Variants in ARMC5 observed in about 807,000 individuals in gnomAD.
ARMC5 encodes the protein armadillo repeat-containing protein 5.
In ARMC5, 28 loss-of-function variants were observed where a neutral mutation model predicts 60.5. That is an observed-to-expected ratio of 0.46 (90% CI 0.34 to 0.63). ARMC5 has a LOEUF of 0.63. ARMC5 is among the 30% of genes least tolerant of loss of function. ARMC5 has a pLI of 0.01. For missense variants in ARMC5, 1,189 were observed against 1,304.9 expected (o/e 0.91, Z 1.37); for synonymous variants, 680 against 607.3 (o/e 1.12, Z -1.76).
At chr16:31,460,637 G>A (rs1411689809) in intron 1 of ARMC5, among the ~76,000 whole-genome samples, 2 of 152,210 alleles carry the variant, frequency 1.3e-5, no homozygotes, top group Non-Finnish European at 2.9e-5. Context: ...AGGCTGAGGC[G>A]GGAGGATCCC....
chr16:31,465,664 C>T, intron 4 of ARMC5, 186 bp from the exon 5 acceptor site: 2 of 1,430,152 alleles, frequency 1.4e-6, no homozygotes. Flanking sequence ...CCCTGACTGT[C>T]CCACCTTCTG....
Position 31,464,404 on chromosome 16 carries a change from A to T in ARMC5, c.1381A>T (p.Ile461Phe), listed in dbSNP as rs2082330899. ...TTCTGCCCTCCGCAGGTCGTGGCTG[A>T]TCTCCGAGGGCTATGCCACAGGCCC... is the stretch of plus-strand genomic sequence containing the variant. ...GSFRSLRSWLISEGYATGPDD... is the reference protein window; with the variant it reads ...GSFRSLRSWLFSEGYATGPDD... Residue 461 changes from isoleucine to phenylalanine, a missense_variant, in exon 4 of 6, where the codon ATC (isoleucine) becomes TTC (phenylalanine). By Grantham distance (21) the Ile-to-Phe change is conservative. Transcript: ENST00000268314. This position sits in a 1 kb window ranked among gnomAD's most constrained non-coding sequence, Gnocchi z 7.6. 1.3e-6 allele frequency: 2 copies of T among 1,523,880 alleles called. No individual in the cohort carries two copies. The highest frequency in any genetic ancestry group is 2.6e-5 in the South Asian group (2 of 77,758). 94.4% of individuals were successfully genotyped at this position (1,523,880 alleles called of 1,614,324 possible).
chr16:31,459,551 G>C lies in ARMC5; in HGVS notation c.27G>C (p.Thr9=), dbSNP rs376733986. 6.2e-7 allele frequency: 1 copy of C among 1,606,286 alleles called. No individual in the cohort carries two copies. The highest frequency in any genetic ancestry group is 8.5e-7 in the Non-Finnish European group (1 of 1,179,214). ...TGGCGGCTGCGAAGCCAACCCTCAC[G>C]GACTCGCTCTCGTTCTGCCTCGCGC... MAAAKPTL[T]DSLSFCLAQL... Residue 9 remains threonine, a synonymous_variant, in exon 1 of 6, where the codon ACG becomes ACC. Coordinates refer to ENST00000268314, the MANE Select transcript of ARMC5 (RefSeq NM_001105247.2).
upstream of ARMC5, chr16:31,459,054 C>T (rs184248541): frequency 2.6e-6 from 4 of 1,509,582 alleles, no homozygotes; most frequent in African/African-American, 4.2e-5. Context: ...GCACTTTCGG[C>T]CCGGCTCGGG....
chr16:31,466,174 T>A lies in ARMC5; in HGVS notation c.2093T>A (p.Leu698His), dbSNP rs560246096. ...LTRPAPHPLF[L>H]FFAADSLSCL... ...CGGCCGGCCCCACACCCGCTCTTCC[T>A]CTTCTTTGCCGCGGACTCCCTTTCC... is the stretch of plus-strand genomic sequence containing the variant. The change falls in exon 6 of 6, where the codon CTC becomes CAC. Residue 698 changes from leucine (L) to histidine (H), a missense_variant. Transcript: ENST00000268314. This position sits in a 1 kb window ranked among gnomAD's most constrained non-coding sequence, Gnocchi z 8.0. The A allele has an allele frequency of 6.2e-7, 1 of 1,611,272 alleles. No homozygotes were observed. Among genetic ancestry groups the A allele is most frequent in the South Asian group, 1.1e-5 (1 of 91,076 alleles).
rs185201982 is a variant in ARMC5 at position 31,462,223 on chromosome 16, T to A, written c.676T>A (p.Ser226Thr). 3.1e-6 allele frequency: 5 copies of A among 1,610,734 alleles called. No homozygotes were observed. The African/African-American group carries it at 6.7e-5, about 21-fold the overall frequency. The change falls in exon 3 of 6, where the codon TCA becomes ACA. Residue 226 changes from serine (S) to threonine (T), a missense_variant. By Grantham distance (58) the Ser-to-Thr change is moderately conservative (BLOSUM62 1). This residue lies in a region of ARMC5 where 862 missense variants were observed against 1,071.2 expected (regional missense o/e 0.80). Coordinates refer to ENST00000268314, the MANE Select transcript of ARMC5 (RefSeq NM_001105247.2). This position sits in a 1 kb window ranked among gnomAD's most constrained non-coding sequence, Gnocchi z 7.2. ...VVRALRNLADSPQHRLALAQQ... is the reference protein window; with the variant it reads ...VVRALRNLADTPQHRLALAQQ... ...GCGTGCCCTCCGTAACCTGGCAGAC[T>A]CACCCCAGCACCGCCTGGCCTTGGC... is the stretch of plus-strand genomic sequence containing the variant.
intron 1 of ARMC5, 196 bp downstream of exon 1, chr16:31,460,195 C>T (rs1354505418): frequency 1.8e-6 from 1 of 568,468 alleles, no homozygotes. Flanking sequence ...CCCTCCCAGA[C>T]CAGATAATTG....
upstream of ARMC5, chr16:31,459,351 G>T: frequency 9.1e-6 from 14 of 1,535,912 alleles, no homozygotes; most frequent in Non-Finnish European, 1.1e-5. Flanking sequence ...GTACTGCCGC[G>T]CCTCGTGTGC....
chr16:31,458,828 CG>C (rs1438377760), upstream of ARMC5: 3 of 1,532,820 alleles, frequency 2.0e-6, no homozygotes, highest in Non-Finnish European at 2.6e-6. Context: ...GACTGCGCTG[CG>C]AGTGAAGAAC....
At position 31,462,769 on chromosome 16, in the gene ARMC5, C is replaced by T. The variant is rs1367418052; in HGVS notation, c.1222C>T (p.Gln408Ter). The change falls in exon 3 of 6, where the codon CAG (glutamine) becomes TAG (stop). Residue 408 changes from glutamine (Q) to a stop codon, truncating the protein, a stop_gained. Transcript: ENST00000268314. LOFTEE classifies it high-confidence loss of function. This position sits in a 1 kb window ranked among gnomAD's most constrained non-coding sequence, Gnocchi z 7.2. ...TGACACTGGGGCCCTGGGCCGGCTG[C>T]AGGCTCTGGGACTTGTGCCTCTCCT... ...LYDTGALGRL[Q>*]ALGLVPLLAG... 1.2e-6 allele frequency: 2 copies of T among 1,613,824 alleles called. No individual in the cohort carries two copies. The highest frequency in any genetic ancestry group is 1.7e-5 in the Admixed American group (1 of 60,006).
chr16:31,460,633 A>C (rs1420519572), intron 1 of ARMC5, among the ~76,000 whole-genome samples: 3 of 152,238 alleles, frequency 2.0e-5, no homozygotes, highest in Non-Finnish European at 1.5e-5. Context: ...TGGGAGGCTG[A>C]GGCGGGAGGA....
rs267604529 is a variant in ARMC5, at chr16:31,466,700, C to G, written c.2619C>G (p.Phe873Leu). Residue 873 changes from phenylalanine to leucine, a missense_variant, in exon 6 of 6, where the codon TTC becomes TTG. Transcript: ENST00000268314. This position sits in a 1 kb window ranked among gnomAD's most constrained non-coding sequence, Gnocchi z 8.0. ...GCCCGGAGTCAGTGGGTGAGGTGTTCCGCCTGGGCCGGCCCCGGCTGGCTG... is the reference window on the plus strand; with the variant it reads ...GCCCGGAGTCAGTGGGTGAGGTGTTGCGCCTGGGCCGGCCCCGGCTGGCTG... ...QGGPESVGEV[F>L]RLGRPRLAAH... The G allele has an allele frequency of 3.8e-6, 6 of 1,561,418 alleles. No homozygotes were observed. The highest frequency in any genetic ancestry group is 5.2e-6 in the Non-Finnish European group (6 of 1,153,574).
chr16:31,459,471 C>T (rs1239620336), upstream of ARMC5: 17 of 1,562,508 alleles, frequency 1.1e-5, no homozygotes, highest in Non-Finnish European at 1.4e-5. Flanking sequence ...CTTCCAGTTC[C>T]GCTCCCTGGG....
chr16:31,465,205 C>T, intron 4 of ARMC5: 1 of 1,569,504 alleles, frequency 6.4e-7, no homozygotes, highest in Admixed American at 1.8e-5. Context: ...GTCCTGACTG[C>T]TCCCCACCAG....
chr16:31,466,543 C>T lies in ARMC5; in HGVS notation c.2462C>T (p.Pro821Leu). 1 of 1,608,314 alleles carries T rather than the reference C, an allele frequency of 6.2e-7. No individual in the cohort carries two copies. Among genetic ancestry groups the T allele is most frequent in the Non-Finnish European group, 8.5e-7 (1 of 1,179,278 alleles). Residue 821 changes from proline to leucine, a missense_variant, in exon 6 of 6, where the codon CCC becomes CTC. Pro to Leu is a moderately conservative substitution (Grantham distance 98). Transcript: ENST00000268314. The surrounding 1 kb of genome is among the most constrained non-coding windows in gnomAD (Gnocchi z 8.0). Reference protein sequence around the residue: ...RGCGAALGPVPPPGQPLLGSE... With the variant: ...RGCGAALGPVLPPGQPLLGSE... ...TGTGGGGCTGCCCTGGGGCCCGTGC[C>T]CCCACCAGGCCAGCCCCTGCTGGGT...
upstream of ARMC5, chr16:31,458,938 C>G (rs975565759): frequency 6.5e-7 from 1 of 1,535,638 alleles, no homozygotes; most frequent in South Asian, 1.2e-5. Flanking sequence ...GAAAATTCCA[C>G]AAGCCCGTCA....
chr16:31,462,885 G>C lies in ARMC5; in HGVS notation c.1338G>C (p.Glu446Asp). 1 of 1,610,136 alleles carries C rather than the reference G, an allele frequency of 6.2e-7. No homozygotes were observed. ...ACTTTCCTGAGGAGAGGACCCCTGA[G>C]CGGGCACAGGGTGGAAGCTTCCGGA... ...SWDFPEERTP[E>D]RAQGGSFRSL... Residue 446 changes from glutamate to aspartate, a missense_variant, in exon 3 of 6, where the codon GAG (glutamate) becomes GAC (aspartate). Glu to Asp is a conservative substitution (Grantham distance 45, BLOSUM62 2). This residue lies in a region of ARMC5 where 862 missense variants were observed against 1,071.2 expected (regional missense o/e 0.80). Transcript: ENST00000268314. This position sits in a 1 kb window ranked among gnomAD's most constrained non-coding sequence, Gnocchi z 7.2.
At chr16:31,465,707 C>T (rs1015705109) in intron 4 of ARMC5, 143 bp from the exon 5 acceptor site, 94 of 1,477,186 alleles carry the variant, frequency 6.4e-5, no homozygotes, top group South Asian at 8.0e-5. Flanking sequence ...CCCAGCGTCC[C>T]GAGCCCAGCA....
At position 31,466,251 on chromosome 16, in the gene ARMC5, G is replaced by A; in HGVS notation, c.2170G>A (p.Val724Ile). The A allele has an allele frequency of 1.2e-6, 2 of 1,613,812 alleles. No homozygotes were observed. Among genetic ancestry groups the A allele is most frequent in the South Asian group, 1.1e-5 (1 of 91,080 alleles). ...TGTGAGCCCAGCTGTCCCACAGGCA[G>A]TCCCCATGGACCTAGACTCACCTTC... Reference protein sequence around the residue: ...PTVSPAVPQAVPMDLDSPSPC... With the variant: ...PTVSPAVPQAIPMDLDSPSPC... The change falls in exon 6 of 6, where the codon GTC becomes ATC. Residue 724 changes from valine (V) to isoleucine (I), a missense_variant. Transcript: ENST00000268314. The surrounding 1 kb of genome is among the most constrained non-coding windows in gnomAD (Gnocchi z 8.0).
Sources: gnomAD v4.1 joint callset for allele counts (sites outside exome capture counted in the v4.1 genomes callset) on GRCh38, gnomAD v4.1.1 for gene constraint, gnomAD v4.1.1 regional missense constraint, Gnocchi (gnomAD v3.1) non-coding constraint, MANE v1.5 for transcripts, NCBI Gene and HGNC (gene_info 2026-07-23, HGNC 2026-07-21) for gene names.